The following PPFIBP2 variants were observed in gnomAD, a reference collection of about 807,000 sequenced individuals.
PPFIBP2 encodes the protein liprin-beta-2.
A neutral mutation model predicts 118.3 loss-of-function variants in PPFIBP2; 118 were observed. The ratio of observed to expected loss-of-function variants is 1.00; its 90% CI spans 0.86 to 1.16. PPFIBP2 has a LOEUF of 1.16. PPFIBP2 is among the 50% of genes most tolerant of loss of function. PPFIBP2 has a pLI of 0.00. For synonymous variants in PPFIBP2, 414 were observed against 397.4 expected, an observed-to-expected ratio of 1.04 and a Z score of -0.50; for missense variants, 1,195 against 1,073.1, an observed-to-expected ratio of 1.11 and a Z score of -1.59.
intron 2 of PPFIBP2, among the ~76,000 whole-genome samples, chr11:7,557,387 CAT>C (rs1216403301): frequency 6.6e-6 from 1 of 151,726 alleles, no homozygotes; most frequent in Non-Finnish European, 1.5e-5. Context: ...AATATTTACT[CAT>C]ATTAGTGTAT....
intron 2 of PPFIBP2, among the ~76,000 whole-genome samples, chr11:7,552,811 C>T (rs556233477): frequency 3.9e-5 from 6 of 152,240 alleles, no homozygotes; most frequent in South Asian, 4.1e-4. Context: ...GAAATGTTAC[C>T]GTACCGGAAG....
At chr11:7,538,463 GTCATGGAGCCTTGCT>G (rs1332836797) in intron 1 of PPFIBP2, 1 of 152,776 alleles carries the variant, frequency 6.5e-6, no homozygotes, top group Non-Finnish European at 1.5e-5. Context: ...GCTGTTTGGG[GTCATGGAGCCTTGCT>G]TAAAGGGCTG....
At chr11:7,627,537 T>C (rs1850187427) in intron 8 of PPFIBP2, among the ~76,000 whole-genome samples, 1 of 152,106 alleles carries the variant, frequency 6.6e-6, no homozygotes, top group Non-Finnish European at 1.5e-5. Context: ...TATGTGCCAA[T>C]TCCTAGAGTA....
At chr11:7,626,512 G>A (rs1850033036) in intron 8 of PPFIBP2, among the ~76,000 whole-genome samples, 1 of 152,172 alleles carries the variant, frequency 6.6e-6, no homozygotes, top group African/African-American at 2.4e-5. Context: ...CCACTCAGGG[G>A]TAAGGACTAT....
intron 21 of PPFIBP2, 118 bp from the exon 22 acceptor site, chr11:7,650,722 G>T (rs1279249734): frequency 1.8e-6 from 2 of 1,119,280 alleles, no homozygotes; most frequent in Non-Finnish European, 2.4e-6. Flanking sequence ...CTAAGCTTGA[G>T]GGCCTTCTAT....
At chr11:7,515,342 A>G (rs1207086800) in intron 1 of PPFIBP2, among the ~76,000 whole-genome samples, 1 of 152,228 alleles carries the variant, frequency 6.6e-6, no homozygotes, top group African/African-American at 2.4e-5. Flanking sequence ...GCTTATTGCT[A>G]CTGGAGAGAT....
At chr11:7,632,583 A>G (rs555549047) in intron 11 of PPFIBP2, 1 of 231,656 alleles carries the variant, frequency 4.3e-6, no homozygotes, top group South Asian at 1.2e-4. Context: ...GAAGGAGCAG[A>G]AAAAGCCCAA....
intron 3 of PPFIBP2, among the ~76,000 whole-genome samples, chr11:7,578,059 T>C (rs1856716353): frequency 6.6e-6 from 1 of 152,234 alleles, no homozygotes; most frequent in Admixed American, 6.5e-5. Context: ...TGTTATCCGG[T>C]GGAGCACACA....
chr11:7,562,976 T>C (rs978645356), intron 2 of PPFIBP2, among the ~76,000 whole-genome samples: 1,468 of 100,362 alleles, frequency 0.015, 58 homozygotes, highest in African/African-American at 0.043. Context: ...TATATATATA[T>C]ACACGCACAC....
chr11:7,590,285 A>T (rs1485995946), intron 3 of PPFIBP2, among the ~76,000 whole-genome samples: 1 of 152,222 alleles, frequency 6.6e-6, no homozygotes, highest in Non-Finnish European at 1.5e-5. Flanking sequence ...CATGGCTCTG[A>T]CTTCATCAAA....
chr11:7,566,516 C>T (rs1207890234), intron 3 of PPFIBP2, among the ~76,000 whole-genome samples: 1 of 152,016 alleles, frequency 6.6e-6, no homozygotes, highest in Non-Finnish European at 1.5e-5. Context: ...GTGCGAGCCA[C>T]ACCTGGCTAA....
downstream of PPFIBP2, chr11:7,656,791 G>A (rs1279020244): frequency 1.6e-6 from 2 of 1,289,746 alleles, no homozygotes; most frequent in Admixed American, 4.6e-5. Context: ...TCTGATGACT[G>A]GAGATGACTT....
intron 3 of PPFIBP2, among the ~76,000 whole-genome samples, chr11:7,592,218 A>T (rs187448135): frequency 1.3e-5 from 2 of 152,064 alleles, no homozygotes; most frequent in African/African-American, 2.4e-5. Flanking sequence ...TTCCATTTGC[A>T]TGGAGGAAGG....
Position 7,641,162 on chromosome 11 carries a change from C to A in PPFIBP2, c.1376-317C>A, listed in dbSNP as rs1343772559. The stretch of plus-strand genomic sequence containing the variant: ...CCAGCACTCAGCCAGGGACCCACTA[C>A]TGCCTGCGTTCCTGCATCTCCCTCT... On this transcript the variant is annotated intron_variant, in intron 15 of 23. Coordinates refer to ENST00000299492, the MANE Select transcript of PPFIBP2 (RefSeq NM_003621.5). 1.2e-5 allele frequency: 13 copies of A among 1,052,220 alleles called. No homozygotes were observed. In the Admixed American group the frequency reaches 3.1e-4, roughly 25 times the overall value. 65.2% of individuals were successfully genotyped at this position (1,052,220 alleles called of 1,614,324 possible). A position where few individuals can be genotyped will look rare whatever the true frequency, so the allele number is the denominator to read the frequency against.
At chr11:7,635,529 G>A (rs373483276) in intron 13 of PPFIBP2, 23 bp from the exon 14 acceptor site, 57 of 1,600,142 alleles carry the variant, frequency 3.6e-5, no homozygotes, top group Middle Eastern at 1.7e-4. Flanking sequence ...CCACATAAAC[G>A]AAATCCTCAT....
At chr11:7,666,290 C>G in the PPFIBP2 span, 1 of 610,496 alleles carries the variant, frequency 1.6e-6, no homozygotes, top group Non-Finnish European at 2.9e-6. Context: ...AATCCTTTCT[C>G]CCTCAATTTC....
chr11:7,544,881 G>C (rs1196830921), intron 1 of PPFIBP2, among the ~76,000 whole-genome samples: 4 of 150,480 alleles, frequency 2.7e-5, no homozygotes, highest in Non-Finnish European at 2.9e-5. Flanking sequence ...GGCTCTCTCT[G>C]TCTTCTCCCT....
intron 3 of PPFIBP2, among the ~76,000 whole-genome samples, chr11:7,587,169 G>A (rs933556783): frequency 1.3e-5 from 2 of 152,176 alleles, no homozygotes; most frequent in African/African-American, 4.8e-5. Flanking sequence ...GTGGTGGATA[G>A]AAAGCCATCT....
chr11:7,593,365 C>T, intron 4 of PPFIBP2, 141 bp downstream of exon 4: 1 of 1,299,310 alleles, frequency 7.7e-7, no homozygotes, highest in Non-Finnish European at 1.0e-6. Flanking sequence ...AAGACTTTTC[C>T]TGAAATAAAA....
Sources: gnomAD v4.1 joint callset for allele counts (sites outside exome capture counted in the v4.1 genomes callset) on GRCh38, gnomAD v4.1.1 for gene constraint, MANE v1.5 for transcripts, NCBI Gene and HGNC (gene_info 2026-07-23, HGNC 2026-07-21) for gene names.